The following DNER variants were observed in gnomAD, a reference collection of about 807,000 sequenced individuals.
DNER encodes the protein delta/notch like EGF repeat containing.
A neutral mutation model predicts 78.2 loss-of-function variants in DNER; 33 were observed. The ratio of observed to expected loss-of-function variants is 0.42; its 90% CI spans 0.32 to 0.56. The LOEUF (loss-of-function observed/expected upper bound fraction) is 0.56, where lower values mean the gene tolerates loss of function less well. Among genes scored for constraint, DNER ranks in the 20% least tolerant of loss-of-function variants. The pLI, the probability that DNER is intolerant of heterozygous loss-of-function variation, is 0.11. For synonymous variants in DNER, 417 were observed against 384.8 expected (o/e 1.08, Z -0.98); for missense variants, 918 against 975.3 (o/e 0.94, Z 0.78).
At chr2:229,649,300 T>C (rs748777010) in intron 1 of DNER, among the ~76,000 whole-genome samples, 4 of 152,244 alleles carry the variant, frequency 2.6e-5, no homozygotes, top group Non-Finnish European at 5.9e-5. Context: ...AAAGATGCTT[T>C]GGAAATTTTA....
In DNER at chr2:229,585,958, C is replaced by T. The variant is rs757016498; in HGVS notation, c.747G>A (p.Gln249=). The part of the protein sequence containing the change: ...LWKVTATGFQ[Q]CSLIDGRSVT... ...CACTTCGTCCATCTATGAGGGAGCA[C>T]TGTTGGAATCCTGTGGCCGTGACCT... is the stretch of plus-strand genomic sequence containing the variant. Residue 249 remains glutamine (Q), a synonymous_variant, in exon 4 of 13, where the codon CAG becomes CAA. Transcript: ENST00000341772. The T allele has an allele frequency of 6.2e-7, 1 of 1,614,126 alleles. No homozygotes were observed. Among genetic ancestry groups the T allele is most frequent in the Non-Finnish European group, 8.5e-7 (1 of 1,180,012 alleles).
chr2:229,418,622 C>A lies in DNER; in HGVS notation c.1487-392G>T, dbSNP rs112437941. ...AAACAGCTCCCTTCAAGAGTGAGAACCTGGCTCGGTGTGGTGGCTCATGCC... is the reference window on the plus strand; with the variant it reads ...AAACAGCTCCCTTCAAGAGTGAGAAACTGGCTCGGTGTGGTGGCTCATGCC... On this transcript the variant is annotated intron_variant, in intron 8 of 12. Coordinates refer to ENST00000341772, the MANE Select transcript of DNER (RefSeq NM_139072.4). Among the ~76,000 whole-genome samples the A allele has an allele frequency of 3.0e-3, 451 of 152,018 alleles. 1 individual carries two copies. The highest frequency in any genetic ancestry group is 5.5e-3 in the Non-Finnish European group (371 of 67,946).
chr2:229,708,012 A>C (rs1214204618), intron 1 of DNER, among the ~76,000 whole-genome samples: 2 of 152,226 alleles, frequency 1.3e-5, no homozygotes, highest in African/African-American at 2.4e-5. Flanking sequence ...CACTTACCCA[A>C]GGACACCCAG....
chr2:229,410,500 T>C (rs933105664), intron 9 of DNER, among the ~76,000 whole-genome samples: 6 of 152,178 alleles, frequency 3.9e-5, no homozygotes, highest in Non-Finnish European at 7.3e-5. Context: ...CCCTATTTTG[T>C]CAGAGAAAAC....
chr2:229,425,397 A>C (rs1287662096), intron 8 of DNER, among the ~76,000 whole-genome samples: 5 of 152,108 alleles, frequency 3.3e-5, no homozygotes, highest in Non-Finnish European at 4.4e-5. Context: ...TTTTCACATG[A>C]AAAGACCACA....
At position 229,388,292 on chromosome 2, in the gene DNER, C is replaced by T; in HGVS notation, c.1828G>A (p.Gly610Ser). The T allele has an allele frequency of 6.2e-7, 1 of 1,610,428 alleles. No homozygotes were observed. Among genetic ancestry groups the T allele is most frequent in the East Asian group, 2.3e-5 (1 of 44,424 alleles). Residue 610 changes from glycine (G) to serine (S), a missense_variant, in exon 11 of 13, where the codon GGT (glycine) becomes AGT (serine). By Grantham distance (56) the Gly-to-Ser change is moderately conservative. Transcript: ENST00000341772. ...PNGYNCHCPHGWVGANCEIHL... is the reference protein window; with the variant it reads ...PNGYNCHCPHSWVGANCEIHL... ...ATCTCACAGTTTGCTCCCACCCAAC[C>T]ATGCGGGCAGTGGCAGTTATAACCA... is the stretch of plus-strand genomic sequence containing the variant.
chr2:229,602,521 T>C (rs538849350), intron 1 of DNER, among the ~76,000 whole-genome samples: 2 of 152,184 alleles, frequency 1.3e-5, no homozygotes, highest in South Asian at 2.1e-4. Context: ...AGTATAAGGA[T>C]CCACTAAGAA....
At chr2:229,704,212 G>A (rs1699792958) in intron 1 of DNER, among the ~76,000 whole-genome samples, 1 of 152,302 alleles carries the variant, frequency 6.6e-6, no homozygotes, top group East Asian at 1.9e-4. Context: ...ACCAAGAACT[G>A]ACAAGGATGC....
In DNER at chr2:229,512,772, A is replaced by G. The variant is rs2154212304; in HGVS notation, c.1147+11T>C. On this transcript the variant is annotated intron_variant, in intron 6 of 12. Transcript: ENST00000341772. Reference sequence around the variant, plus strand: ...TACACCTAATAACTGAACCATGAGTATGTGTCGTACCAGGAAGGCAAACAC... The same window carrying G: ...TACACCTAATAACTGAACCATGAGTGTGTGTCGTACCAGGAAGGCAAACAC... 1 of 1,614,102 alleles carries G rather than the reference A, an allele frequency of 6.2e-7. No individual in the cohort carries two copies. The highest frequency in any genetic ancestry group is 2.2e-5 in the East Asian group (1 of 44,882).
chr2:229,571,996 T>C (rs75255592), intron 4 of DNER, among the ~76,000 whole-genome samples: 1 of 152,276 alleles, frequency 6.6e-6, no homozygotes, highest in East Asian at 1.9e-4. Context: ...CACCACTGCC[T>C]ACAAGCTAAA....
chr2:229,658,816 T>C (rs1375631869), intron 1 of DNER, among the ~76,000 whole-genome samples: 1 of 152,182 alleles, frequency 6.6e-6, no homozygotes, highest in Non-Finnish European at 1.5e-5. Context: ...TCTAAGGCTG[T>C]CGATGCTGAA....
At chr2:229,464,044 A>G (rs1169696989) in intron 7 of DNER, among the ~76,000 whole-genome samples, 1 of 152,186 alleles carries the variant, frequency 6.6e-6, no homozygotes, top group East Asian at 1.9e-4. Context: ...CAGGTCAGAA[A>G]AATCTCATGG....
chr2:229,501,351 GA>G (rs1381624334), intron 6 of DNER, among the ~76,000 whole-genome samples: 1 of 148,014 alleles, frequency 6.8e-6, no homozygotes, highest in African/African-American at 2.5e-5. Flanking sequence ...AAAAGAAAAA[GA>G]AAACTAAAGA....
At chr2:229,443,226 A>AT (rs1430053879) in intron 8 of DNER, among the ~76,000 whole-genome samples, 1 of 152,228 alleles carries the variant, frequency 6.6e-6, no homozygotes, top group Admixed American at 6.5e-5. Context: ...GTTTAGAGTA[A>AT]TAACTCAAGT....
intron 5 of DNER, among the ~76,000 whole-genome samples, chr2:229,543,967 T>C (rs925861893): frequency 6.6e-6 from 1 of 152,032 alleles, no homozygotes; most frequent in African/African-American, 2.4e-5. Flanking sequence ...TCGACCATCA[T>C]CTCTAATCAG....
chr2:229,645,739 T>G lies in DNER; in HGVS notation c.277-53851A>C, dbSNP rs1381753377. Among the ~76,000 whole-genome samples the G allele has an allele frequency of 3.3e-5, 5 of 152,312 alleles. No homozygotes were observed. In the East Asian group the frequency reaches 9.6e-4, roughly 29 times the overall value. ...TTTTACTTTGAGCTTCTTTCATTCA[T>G]CCACTCAGTAAAATATTTCCTGACC... is the stretch of plus-strand genomic sequence containing the variant. On this transcript the variant is annotated intron_variant, in intron 1 of 12. Transcript: ENST00000341772.
chr2:229,689,795 T>C (rs1699538419), intron 1 of DNER, among the ~76,000 whole-genome samples: 1 of 152,226 alleles, frequency 6.6e-6, no homozygotes, highest in African/African-American at 2.4e-5. Context: ...CCTTCCATCA[T>C]AGAGCTGACA....
intron 6 of DNER, among the ~76,000 whole-genome samples, chr2:229,498,423 G>A (rs1695544743): frequency 1.3e-5 from 2 of 152,074 alleles, no homozygotes; most frequent in African/African-American, 4.8e-5. Context: ...ACTAGCCAGA[G>A]CAATTAGGCA....
intron 4 of DNER, among the ~76,000 whole-genome samples, chr2:229,567,429 T>C (rs1697132750): frequency 6.6e-6 from 1 of 151,972 alleles, no homozygotes; most frequent in African/African-American, 2.4e-5. Context: ...TACAAGAGGG[T>C]AAGTGAGCTG....
Sources: allele counts gnomAD v4.1 joint callset (sites outside exome capture counted in the v4.1 genomes callset), GRCh38; gene constraint gnomAD v4.1.1; transcripts MANE v1.5; gene names NCBI Gene and HGNC (gene_info 2026-07-23, HGNC 2026-07-21).